EFCAB6: variants seen among roughly 807,000 people sequenced by gnomAD.
EFCAB6 encodes EF-hand calcium-binding domain-containing protein 6.
Under a neutral mutation model 169.8 loss-of-function variants are expected in EFCAB6, and 156 were observed. That is an observed-to-expected ratio of 0.92 (90% CI 0.81 to 1.05). The LOEUF (loss-of-function observed/expected upper bound fraction) is 1.05, where lower values mean the gene tolerates loss of function less well. EFCAB6 is among the 50% of genes least tolerant of loss of function. The pLI is 0.00. For missense variants in EFCAB6, 1,800 were observed against 1,829.1 expected, an observed-to-expected ratio of 0.98 and a Z score of 0.29; for synonymous variants, 698 against 676.4, an observed-to-expected ratio of 1.03 and a Z score of -0.50.
chr22:43,748,762 A>G (rs1468941296), intron 6 of EFCAB6, among the ~76,000 whole-genome samples: 1 of 152,208 alleles, frequency 6.6e-6, no homozygotes, highest in African/African-American at 2.4e-5. Context: ...AGAATGTTCT[A>G]CGTGTTACGG....
intron 13 of EFCAB6, among the ~76,000 whole-genome samples, chr22:43,672,718 G>A (rs1487796986): frequency 6.6e-6 from 1 of 152,162 alleles, no homozygotes; most frequent in Non-Finnish European, 1.5e-5. Context: ...TCAGGAGAAT[G>A]AGGATGGAGG....
chr22:43,569,821 A>C (rs530781162), intron 26 of EFCAB6, among the ~76,000 whole-genome samples: 1 of 152,368 alleles, frequency 6.6e-6, no homozygotes, highest in East Asian at 1.9e-4. Flanking sequence ...CTGAAATTAC[A>C]TCAAGAAGAC....
chr22:43,674,211 G>C (rs1412715287), intron 13 of EFCAB6, among the ~76,000 whole-genome samples: 1 of 152,186 alleles, frequency 6.6e-6, no homozygotes, highest in Non-Finnish European at 1.5e-5. Flanking sequence ...AGAATTAGTG[G>C]TGACTTTTAT....
intron 17 of EFCAB6, among the ~76,000 whole-genome samples, chr22:43,647,943 G>A (rs1023558800): frequency 2.0e-5 from 3 of 152,236 alleles, no homozygotes; most frequent in South Asian, 2.1e-4. Flanking sequence ...TCCTGGCTTC[G>A]AGAACTGTGA....
intron 27 of EFCAB6, among the ~76,000 whole-genome samples, chr22:43,551,611 CT>C (rs1433890866): frequency 2.6e-5 from 4 of 152,102 alleles, no homozygotes; most frequent in African/African-American, 4.8e-5. Context: ...CATCCCATCA[CT>C]TAGGTATGAA....
rs188733340 is a variant in EFCAB6, at chr22:43,662,113, G to A, written c.1983+4991C>T. Among the ~76,000 whole-genome samples the A allele has an allele frequency of 4.6e-4, 69 of 150,914 alleles. No homozygotes were observed. The East Asian group carries it at 0.011, about 23-fold the overall frequency. On this transcript the variant is annotated intron_variant, in intron 17 of 31. Transcript: ENST00000262726. ...GCAGAGGTTGCAGTGAGCCGAGATC[G>A]CGCCACTGCACTCCAGCCTGGGTGA... is the stretch of plus-strand genomic sequence containing the variant.
intron 19 of EFCAB6, among the ~76,000 whole-genome samples, chr22:43,629,817 C>T (rs191195858): frequency 8.5e-4 from 130 of 152,092 alleles, no homozygotes; most frequent in African/African-American, 2.2e-3. Context: ...TCTTGTGGGC[C>T]GGCCAGGCGG....
intron 12 of EFCAB6, among the ~76,000 whole-genome samples, chr22:43,681,366 T>C (rs1189832735): frequency 2.0e-5 from 3 of 152,232 alleles, no homozygotes; most frequent in Non-Finnish European, 4.4e-5. Flanking sequence ...GCTAATATTT[T>C]GTTGAGAATT....
At chr22:43,688,914 G>A (rs184870766) in intron 10 of EFCAB6, among the ~76,000 whole-genome samples, 195 of 152,302 alleles carry the variant, frequency 1.3e-3, no homozygotes, top group Admixed American at 3.0e-3. Context: ...GGCTGACAGC[G>A]AACTGGTTAG....
chr22:43,665,963 T>G (rs905523414), intron 17 of EFCAB6, among the ~76,000 whole-genome samples: 2 of 152,154 alleles, frequency 1.3e-5, no homozygotes, highest in Admixed American at 1.3e-4. Flanking sequence ...AATTTTCGTA[T>G]TTTTAGTAGA....
chr22:43,603,112 C>T (rs547847654), intron 22 of EFCAB6, among the ~76,000 whole-genome samples: 82 of 152,266 alleles, frequency 5.4e-4, no homozygotes, highest in African/African-American at 1.9e-3. Context: ...TCCTGGTGTG[C>T]TGTGCTCAAG....
intron 30 of EFCAB6, among the ~76,000 whole-genome samples, chr22:43,532,465 G>A (rs977715977): frequency 3.3e-5 from 5 of 152,374 alleles, no homozygotes; most frequent in Admixed American, 2.0e-4. Flanking sequence ...AATTGATGGC[G>A]GCCTTGCTGC....
At chr22:43,736,964 C>T (rs537939005) in intron 6 of EFCAB6, among the ~76,000 whole-genome samples, 14 of 152,150 alleles carry the variant, frequency 9.2e-5, no homozygotes, top group South Asian at 6.2e-4. Flanking sequence ...CCCTGAGCTC[C>T]GGCCTCCCTC....
chr22:43,554,824 C>G, intron 27 of EFCAB6, 45 bp downstream of exon 27: 1 of 1,551,048 alleles, frequency 6.4e-7, no homozygotes, highest in East Asian at 2.2e-5. Flanking sequence ...CAGGCTGACG[C>G]TCAGCCAACG....
intron 27 of EFCAB6, among the ~76,000 whole-genome samples, chr22:43,550,466 G>T (rs924256252): frequency 6.6e-6 from 1 of 152,150 alleles, no homozygotes; most frequent in African/African-American, 2.4e-5. Context: ...GAGATCAGGA[G>T]TTCAAGACCA....
chr22:43,638,464 T>G (rs1402675973), intron 17 of EFCAB6, among the ~76,000 whole-genome samples: 2 of 152,198 alleles, frequency 1.3e-5, no homozygotes, highest in Non-Finnish European at 2.9e-5. Flanking sequence ...AGACCGACTC[T>G]TCCCCAGGAG....
At position 43,715,552 on chromosome 22, in the gene EFCAB6, G is replaced by A. The variant is rs575479229; in HGVS notation, c.882+1296C>T. On this transcript the variant is annotated intron_variant, in intron 9 of 31. Coordinates refer to ENST00000262726, the MANE Select transcript of EFCAB6 (RefSeq NM_022785.4). The stretch of plus-strand genomic sequence containing the variant: ...ATTAAATACGTTTTATTTTTAAAAA[G>A]GAGTATGATCCTCTTCTTATAAAAT... Among the ~76,000 whole-genome samples, 6 of 152,240 alleles carry A rather than the reference G, an allele frequency of 3.9e-5. No individual in the cohort carries two copies. In the East Asian group the frequency reaches 1.2e-3, roughly 29 times the overall value.
chr22:43,603,095 A>C (rs1353862122), intron 22 of EFCAB6, among the ~76,000 whole-genome samples: 1 of 152,184 alleles, frequency 6.6e-6, no homozygotes, highest in Non-Finnish European at 1.5e-5. Context: ...CTAAGGAAGG[A>C]CTGCCCTCCT....
intron 26 of EFCAB6, among the ~76,000 whole-genome samples, chr22:43,567,880 G>A (rs960039324): frequency 6.6e-6 from 1 of 152,200 alleles, no homozygotes; most frequent in Non-Finnish European, 1.5e-5. Flanking sequence ...GCCAGCCGGT[G>A]CTGGAAATGG....
Sources: gnomAD v4.1 joint callset for allele counts (sites outside exome capture counted in the v4.1 genomes callset) on GRCh38, gnomAD v4.1.1 for gene constraint, MANE v1.5 for transcripts, NCBI Gene and HGNC (gene_info 2026-07-23, HGNC 2026-07-21) for gene names.